The following GMPR variants were observed in gnomAD, a reference collection of about 807,000 sequenced individuals.
The protein encoded by GMPR is guanosine monophosphate reductase.
Under a neutral mutation model 38.4 loss-of-function variants are expected in GMPR, and 31 were observed. The observed-to-expected ratio is 0.81, with a 90% CI of 0.61 to 1.09. The LOEUF (loss-of-function observed/expected upper bound fraction) is 1.09. GMPR is among the 50% of genes least tolerant of loss of function. The probability of loss-of-function intolerance (pLI) is 0.00; values close to 1 mark genes in which losing one functional copy is unlikely to be tolerated. For synonymous variants in GMPR, 162 were observed against 173.3 expected, an observed-to-expected ratio of 0.93 and a Z score of 0.51; for missense variants, 468 against 453.7, an observed-to-expected ratio of 1.03 and a Z score of -0.29.
intron 4 of GMPR, among the ~76,000 whole-genome samples, chr6:16,255,104 C>T (rs1445162177): frequency 2.0e-5 from 3 of 151,792 alleles, no homozygotes; most frequent in Non-Finnish European, 2.9e-5. Flanking sequence ...CTATGCCTTC[C>T]AGGTTCAAAA....
At position 16,250,334 on chromosome 6, in the gene GMPR, G is replaced by A. The variant is rs144485431; in HGVS notation, c.258G>A (p.Lys86=). 1.9e-5 allele frequency: 30 copies of A among 1,610,626 alleles called. No homozygotes were observed. In the Admixed American group the frequency reaches 4.8e-4, roughly 26 times the overall value. ...IHKHYSLDDW[K]LFATNHPECL... is the part of the protein sequence containing the mutation. Reference sequence around the variant, plus strand: ...AGCATTACTCCCTGGATGACTGGAAGCTCTTTGCCACAAATCACCCAGAAT... The same window carrying A: ...AGCATTACTCCCTGGATGACTGGAAACTCTTTGCCACAAATCACCCAGAAT... The change falls in exon 3 of 9, where the codon AAG becomes AAA. Residue 86 remains lysine (K), a synonymous_variant. Coordinates refer to ENST00000259727, the MANE Select transcript of GMPR (RefSeq NM_006877.4).
chr6:16,288,341 C>A (rs1759737588), intron 7 of GMPR, among the ~76,000 whole-genome samples: 1 of 152,182 alleles, frequency 6.6e-6, no homozygotes, highest in South Asian at 2.1e-4. Flanking sequence ...GCAGGCCCTG[C>A]ACTCGGAGCG....
chr6:16,265,901 C>T (rs992304073), intron 4 of GMPR, among the ~76,000 whole-genome samples: 1 of 152,208 alleles, frequency 6.6e-6, no homozygotes, highest in Admixed American at 6.5e-5. Flanking sequence ...ACACTTACTG[C>T]AAAGATGTGC....
intron 4 of GMPR, among the ~76,000 whole-genome samples, chr6:16,271,731 A>G (rs1339640033): frequency 1.3e-5 from 2 of 152,232 alleles, no homozygotes; most frequent in African/African-American, 2.4e-5. Flanking sequence ...TTTCTAGTAT[A>G]AAATCTAGAA....
chr6:16,262,935 A>T (rs1346917084), intron 4 of GMPR: 1 of 152,036 alleles, frequency 6.6e-6, no homozygotes, highest in Non-Finnish European at 1.5e-5. Flanking sequence ...CTAGTCACGG[A>T]ACGAAACTGT....
chr6:16,285,867 A>T, intron 7 of GMPR, 32 bp downstream of exon 7: 1 of 1,550,432 alleles, frequency 6.4e-7, no homozygotes, highest in Non-Finnish European at 8.8e-7. Flanking sequence ...GAGGGAGGGA[A>T]GGAAGGAAGG....
At chr6:16,279,508 G>T (rs1234195273) in intron 6 of GMPR, among the ~76,000 whole-genome samples, 8 of 152,240 alleles carry the variant, frequency 5.3e-5, no homozygotes, top group Non-Finnish European at 1.2e-4. Flanking sequence ...AGATGCTAGG[G>T]GTTAGGATGG....
rs556361398 is a variant in GMPR at position 16,270,943 on chromosome 6, T to C, written c.466-3472T>C. On this transcript the variant is annotated intron_variant, in intron 4 of 8. Transcript: ENST00000259727. ...GGCTCATACCTGTAATCCCAGCACT[T>C]TGGGAGGCAGAGGTGGGGGGATTAC... Among the ~76,000 whole-genome samples, 7 of 152,264 alleles carry C rather than the reference T, an allele frequency of 4.6e-5. No homozygotes were observed. The East Asian group carries it at 5.8e-4, about 13-fold the overall frequency.
intron 3 of GMPR, 57 bp from the exon 4 acceptor site, chr6:16,254,505 G>C: frequency 5.5e-6 from 8 of 1,450,526 alleles, no homozygotes; most frequent in Non-Finnish European, 7.7e-6. Flanking sequence ...ATGGGGGCAG[G>C]GTCTGATGTC....
chr6:16,258,608 C>T (rs1172007236), intron 4 of GMPR, among the ~76,000 whole-genome samples: 1 of 152,208 alleles, frequency 6.6e-6, no homozygotes, highest in Admixed American at 6.5e-5. Flanking sequence ...TTTCATTGCT[C>T]TTGTTGGTTT....
intron 3 of GMPR, among the ~76,000 whole-genome samples, chr6:16,252,654 A>T (rs1758899059): frequency 6.6e-6 from 1 of 152,240 alleles, no homozygotes; most frequent in Non-Finnish European, 1.5e-5. Flanking sequence ...ATAAAAGGCG[A>T]ATTCAAAAGG....
chr6:16,281,967 T>C (rs1378948738), intron 6 of GMPR, among the ~76,000 whole-genome samples: 1 of 152,192 alleles, frequency 6.6e-6, no homozygotes, highest in African/African-American at 2.4e-5. Context: ...AGAGCAGCCA[T>C]TGCCCCCACA....
At chr6:16,263,788 T>TAAG (rs1473071908) in intron 4 of GMPR, among the ~76,000 whole-genome samples, 81 of 88,566 alleles carry the variant, frequency 9.1e-4, no homozygotes, top group Non-Finnish European at 1.2e-3. Flanking sequence ...GGTGCAGAGA[T>TAAG]AGGTCAGGGC....
At chr6:16,290,217 T>C (rs1203838285) in intron 7 of GMPR, 2 of 517,800 alleles carry the variant, frequency 3.9e-6, no homozygotes, top group South Asian at 2.3e-5. Flanking sequence ...CATGGTCCAG[T>C]ATATGGGACA....
intron 1 of GMPR, among the ~76,000 whole-genome samples, chr6:16,245,872 G>C (rs1402642315): frequency 2.0e-5 from 3 of 152,204 alleles, no homozygotes; most frequent in African/African-American, 7.2e-5. Flanking sequence ...AGGCAACCCA[G>C]CTGTTCTGGA....
At chr6:16,280,156 T>C (rs1759551021) in intron 6 of GMPR, among the ~76,000 whole-genome samples, 1 of 152,082 alleles carries the variant, frequency 6.6e-6, no homozygotes, top group Non-Finnish European at 1.5e-5. Context: ...CTATGGCACG[T>C]GTCTGTTGAT....
Position 16,274,558 on chromosome 6 carries a change from C to T in GMPR, c.547+62C>T, listed in dbSNP as rs1465523708. On this transcript the variant is annotated intron_variant, in intron 5 of 8. Coordinates refer to ENST00000259727, the MANE Select transcript of GMPR (RefSeq NM_006877.4). ...GGGGAAGAATGGGATCTGGGGCTTGCGGGGACTGCAGATCACTGGAGGGGA... is the reference window on the plus strand; with the variant it reads ...GGGGAAGAATGGGATCTGGGGCTTGTGGGGACTGCAGATCACTGGAGGGGA... 24 of 931,594 alleles carry T rather than the reference C, an allele frequency of 2.6e-5. 2 individuals are homozygous for T. The highest frequency in any genetic ancestry group is 2.3e-4 in the South Asian group (18 of 76,658). 57.7% of individuals were successfully genotyped at this position (931,594 alleles called of 1,614,324 possible).
At position 16,250,372 on chromosome 6, in the gene GMPR, G is replaced by C. The variant is rs372437285; in HGVS notation, c.291+5G>C. On this transcript the variant is annotated splice_donor_5th_base_variant and intron_variant, in intron 3 of 8. Coordinates refer to ENST00000259727, the MANE Select transcript of GMPR (RefSeq NM_006877.4). ...AATCACCCAGAATGCCTGCAGGTACGACTACAGCCTGGTTATCAATTACCA... is the reference window on the plus strand; with the variant it reads ...AATCACCCAGAATGCCTGCAGGTACCACTACAGCCTGGTTATCAATTACCA... 1 of 1,547,888 alleles carries C rather than the reference G, an allele frequency of 6.5e-7. No homozygotes were observed. Among genetic ancestry groups the C allele is most frequent in the South Asian group, 1.1e-5 (1 of 89,740 alleles).
At chr6:16,248,019 C>T (rs1758794187) in intron 2 of GMPR, among the ~76,000 whole-genome samples, 1 of 151,820 alleles carries the variant, frequency 6.6e-6, no homozygotes, top group African/African-American at 2.4e-5. Context: ...TGCTTGAGCT[C>T]AGGAGTTCAA....
Sources: gnomAD v4.1 joint callset for allele counts (sites outside exome capture counted in the v4.1 genomes callset) on GRCh38, gnomAD v4.1.1 for gene constraint, MANE v1.5 for transcripts, NCBI Gene and HGNC (gene_info 2026-07-23, HGNC 2026-07-21) for gene names.